Variants in RBFOX1 observed in about 807,000 individuals in gnomAD.
The protein encoded by RBFOX1 is RNA binding fox-1 homolog 1, also known as RNA binding protein fox-1 homolog 1.
A neutral mutation model predicts 57.7 loss-of-function variants in RBFOX1; 8 were observed. The observed-to-expected ratio is 0.14, with a 90% CI of 0.08 to 0.25. The LOEUF (loss-of-function observed/expected upper bound fraction) is 0.25, where lower values mean the gene tolerates loss of function less well. Among genes scored for constraint, RBFOX1 ranks in the 10% least tolerant of loss-of-function variants. The pLI is 1.00. For missense variants in RBFOX1, 611 were observed against 548.5 expected (o/e 1.11, Z -1.14); for synonymous variants, 326 against 222.4 (o/e 1.47, Z -4.15).
chr16:6,262,432 C>G (rs139477701), intron 1 of RBFOX1, among the ~76,000 whole-genome samples: 26 of 151,976 alleles, frequency 1.7e-4, no homozygotes, highest in Non-Finnish European at 3.1e-4. Flanking sequence ...AATTGAGTCT[C>G]TTCTTAAGAA....
chr16:6,623,675 A>G (rs1048143721), intron 2 of RBFOX1, among the ~76,000 whole-genome samples: 10 of 151,620 alleles, frequency 6.6e-5, no homozygotes, highest in African/African-American at 1.7e-4. Flanking sequence ...GTTCTCACCT[A>G]TGAGTGAGAA....
chr16:6,528,537 G>A (rs1274592353), intron 2 of RBFOX1, among the ~76,000 whole-genome samples: 3 of 152,148 alleles, frequency 2.0e-5, no homozygotes, highest in South Asian at 2.1e-4. Context: ...TCCTTCACAC[G>A]TCCTATATTT....
intron 2 of RBFOX1, among the ~76,000 whole-genome samples, chr16:6,644,234 A>T (rs750196877): frequency 5.9e-5 from 9 of 152,208 alleles, no homozygotes; most frequent in Non-Finnish European, 8.8e-5. Context: ...TATTTTCACA[A>T]CAATAGGCAA....
chr16:6,868,024 T>A (rs2060236361), intron 3 of RBFOX1, among the ~76,000 whole-genome samples: 1 of 152,220 alleles, frequency 6.6e-6, no homozygotes, highest in South Asian at 2.1e-4. Flanking sequence ...ATACTTCAGT[T>A]AACTTATTTG....
At chr16:5,608,947 A>G (rs1323519005) in intron 3 of RBFOX1, among the ~76,000 whole-genome samples, 1 of 152,228 alleles carries the variant, frequency 6.6e-6, no homozygotes, top group African/African-American at 2.4e-5. Flanking sequence ...AGAAATGGTC[A>G]GACTCCTTTC....
intron 4 of RBFOX1, among the ~76,000 whole-genome samples, chr16:7,102,333 T>A (rs2062836518): frequency 6.6e-6 from 1 of 152,226 alleles, no homozygotes; most frequent in African/African-American, 2.4e-5. Context: ...TGAAGAAGGA[T>A]CTGATACAGA....
intron 1 of RBFOX1, among the ~76,000 whole-genome samples, chr16:6,169,834 AG>A (rs2096945202): frequency 8.4e-6 from 1 of 118,474 alleles, no homozygotes; most frequent in Non-Finnish European, 1.9e-5. Flanking sequence ...GTGCAATCTC[AG>A]CTCACTGCAA....
chr16:5,486,988 A>T (rs1244549256), intron 2 of RBFOX1, among the ~76,000 whole-genome samples: 1 of 152,056 alleles, frequency 6.6e-6, no homozygotes, highest in Admixed American at 6.6e-5. Flanking sequence ...TAATACCCCC[A>T]GGCCTTTGCA....
At chr16:5,349,560 C>T (rs573925977) in intron 1 of RBFOX1, among the ~76,000 whole-genome samples, 103 of 152,144 alleles carry the variant, frequency 6.8e-4, no homozygotes, top group African/African-American at 2.3e-3. Context: ...GTAATCCCAG[C>T]TACTCAGGAG....
chr16:6,715,263 A>G (rs899156969), intron 3 of RBFOX1, among the ~76,000 whole-genome samples: 4 of 25,722 alleles, frequency 1.6e-4, no homozygotes, highest in Non-Finnish European at 5.5e-4. Flanking sequence ...ATAAAGTTTT[A>G]AAGTTTTTTT....
intron 4 of RBFOX1, among the ~76,000 whole-genome samples, chr16:7,318,020 T>C (rs546075185): frequency 2.0e-5 from 3 of 151,598 alleles, no homozygotes; most frequent in Non-Finnish European, 4.4e-5. Context: ...GTAGCGATGA[T>C]GGTGATGATG....
chr16:6,189,884 G>A (rs906171853), intron 1 of RBFOX1, among the ~76,000 whole-genome samples: 8 of 152,146 alleles, frequency 5.3e-5, no homozygotes, highest in Admixed American at 3.3e-4. Flanking sequence ...AATTGTCCAT[G>A]TTTGCTTTGG....
intron 2 of RBFOX1, among the ~76,000 whole-genome samples, chr16:6,501,720 C>T (rs2095936650): frequency 6.6e-6 from 1 of 152,126 alleles, no homozygotes; most frequent in Non-Finnish European, 1.5e-5. Flanking sequence ...GTCCACTGAC[C>T]TGTACTGGGC....
chr16:6,820,248 T>C (rs1034769518), intron 3 of RBFOX1, among the ~76,000 whole-genome samples: 8 of 152,190 alleles, frequency 5.3e-5, no homozygotes, highest in African/African-American at 1.7e-4. Context: ...AAACCTTTTC[T>C]TCTTTATAAA....
upstream of RBFOX1, among the ~76,000 whole-genome samples, chr16:6,016,658 A>G (rs931974620): frequency 6.6e-6 from 1 of 152,180 alleles, no homozygotes; most frequent in Non-Finnish European, 1.5e-5. Context: ...TAGATCACAA[A>G]TTGGAAAGTA....
At position 6,930,285 on chromosome 16, in the gene RBFOX1, C is replaced by G. The variant is rs529686464; in HGVS notation, c.-15-121772C>G. Among the ~76,000 whole-genome samples, 12 of 152,260 alleles carry G rather than the reference C, an allele frequency of 7.9e-5. 1 individual carries two copies. In the South Asian group the frequency reaches 8.3e-4, roughly 11 times the overall value. ...GCAGAGGATTTGAATAGACGTGTCT[C>G]CAAAAGATATATACAAATGGCCAAT... On this transcript the variant is annotated intron_variant, in intron 3 of 15. Coordinates refer to ENST00000550418, the MANE Select transcript of RBFOX1 (RefSeq NM_018723.4).
At chr16:7,241,292 C>G (rs573300897) in intron 4 of RBFOX1, among the ~76,000 whole-genome samples, 20 of 152,240 alleles carry the variant, frequency 1.3e-4, no homozygotes, top group Middle Eastern at 3.4e-3. Context: ...TTCTAATTCT[C>G]TCAGCTTGAG....
At chr16:6,189,182 T>C (rs1343316583) in intron 1 of RBFOX1, among the ~76,000 whole-genome samples, 1 of 152,228 alleles carries the variant, frequency 6.6e-6, no homozygotes, top group African/African-American at 2.4e-5. Context: ...AGATGGATAT[T>C]ACAATGAATG....
chr16:7,486,667 T>A (rs2065479471), intron 4 of RBFOX1, among the ~76,000 whole-genome samples: 1 of 152,090 alleles, frequency 6.6e-6, no homozygotes. Context: ...ATAGAAGGTA[T>A]GTGTTATGAT....
Sources: gnomAD v4.1 joint callset for allele counts (sites outside exome capture counted in the v4.1 genomes callset) on GRCh38, gnomAD v4.1.1 for gene constraint, MANE v1.5 for transcripts, NCBI Gene and HGNC (gene_info 2026-07-23, HGNC 2026-07-21) for gene names.